The following RCOR3 variants were observed in gnomAD, a reference collection of about 807,000 sequenced individuals.
RCOR3 encodes the protein REST corepressor 3.
Under a neutral mutation model 64.1 loss-of-function variants are expected in RCOR3, and 13 were observed. That is an observed-to-expected ratio of 0.20 (90% confidence interval 0.13 to 0.32). RCOR3 has a LOEUF of 0.32. Among genes scored for constraint, RCOR3 ranks in the 10% least tolerant of loss-of-function variants. The pLI is 1.00. For missense variants in RCOR3, 489 were observed against 701.2 expected, an observed-to-expected ratio of 0.70 and a Z score of 3.42; for synonymous variants, 215 against 239.0, an observed-to-expected ratio of 0.90 and a Z score of 0.93.
At position 211,316,241 on chromosome 1, in the gene RCOR3, T is replaced by G. The variant is rs1291693588; in HGVS notation, c.*2473T>G. On this transcript the variant is annotated 3_prime_UTR_variant, in exon 12 of 12. Coordinates refer to ENST00000419091, the MANE Select transcript of RCOR3 (RefSeq NM_001136223.3). ...ACACTGTGGATACATCTTATAAAAC[T>G]AATGGAAACAATGTTTTTCTATATG... 1 of 152,186 alleles carries G rather than the reference T, an allele frequency of 6.6e-6. No homozygotes were observed. Among genetic ancestry groups the G allele is most frequent in the African/African-American group, 2.4e-5 (1 of 41,460 alleles). 9.4% of individuals were successfully genotyped at this position (152,186 alleles called of 1,614,324 possible). A position where few individuals can be genotyped will look rare whatever the true frequency, so the allele number is the denominator to read the frequency against.
chr1:211,299,046 C>T (rs1259464574), intron 9 of RCOR3, among the ~76,000 whole-genome samples: 1 of 151,760 alleles, frequency 6.6e-6, no homozygotes, highest in Admixed American at 6.6e-5. Flanking sequence ...AGAAGTTTGT[C>T]TTTTAAATTA....
chr1:211,300,059 TTTTC>T (rs1485875558), intron 9 of RCOR3, among the ~76,000 whole-genome samples: 1 of 142,810 alleles, frequency 7.0e-6, no homozygotes, highest in African/African-American at 2.5e-5. Flanking sequence ...GCATTTTTCT[TTTTC>T]TTTCTTTCTT....
At position 211,266,040 on chromosome 1, in the gene RCOR3, G is replaced by T. The variant is rs142133775; in HGVS notation, c.224-5192G>T. Among the ~76,000 whole-genome samples, 587 of 152,200 alleles carry T rather than the reference G, an allele frequency of 3.9e-3. 3 individuals carry two copies. The highest frequency in any genetic ancestry group is 0.014 in the African/African-American group (564 of 41,526). ...GAATCTAACCTCTTATCATTTGACCGCAGGTGAGTTTTCAGGCAGATTGTC... is the reference window on the plus strand; with the variant it reads ...GAATCTAACCTCTTATCATTTGACCTCAGGTGAGTTTTCAGGCAGATTGTC... On this transcript the variant is annotated intron_variant, in intron 2 of 11. Coordinates refer to ENST00000419091, the MANE Select transcript of RCOR3 (RefSeq NM_001136223.3).
Position 211,315,392 on chromosome 1 carries a change from A to G in RCOR3, c.*1624A>G, listed in dbSNP as rs549944754. ...TAATTTTAGACTGTGTATTTCCATAAATACCCTACGTACTGGCATATTTGA... is the reference window on the plus strand; with the variant it reads ...TAATTTTAGACTGTGTATTTCCATAGATACCCTACGTACTGGCATATTTGA... On this transcript the variant is annotated 3_prime_UTR_variant, in exon 12 of 12. Coordinates refer to ENST00000419091, the MANE Select transcript of RCOR3 (RefSeq NM_001136223.3). 25 of 152,264 alleles carry G rather than the reference A, an allele frequency of 1.6e-4. No individual in the cohort carries two copies. The highest frequency in any genetic ancestry group is 6.0e-4 in the African/African-American group (25 of 41,550). 9.4% of individuals were successfully genotyped at this position (152,264 alleles called of 1,614,324 possible).
At position 211,313,417 on chromosome 1, in the gene RCOR3, C is replaced by T. The variant is rs781048403; in HGVS notation, c.1318-7C>T. On this transcript the variant is annotated splice_region_variant and splice_polypyrimidine_tract_variant and intron_variant, in intron 11 of 11. Coordinates refer to ENST00000419091, the MANE Select transcript of RCOR3 (RefSeq NM_001136223.3). This position sits in a 1 kb window ranked among gnomAD's most constrained non-coding sequence, Gnocchi z 4.7. ...TCATACGTGTATTTTTGTTTCCTCA[C>T]CTCTAGGCACAGACCCCACAGGCTC... 5 of 1,610,808 alleles carry T rather than the reference C, an allele frequency of 3.1e-6. No individual in the cohort carries two copies. The South Asian group carries it at 4.4e-5, about 14-fold the overall frequency.
chr1:211,274,042 T>G (rs1696615792), intron 3 of RCOR3, among the ~76,000 whole-genome samples, 168 bp from the exon 4 acceptor site: 1 of 152,120 alleles, frequency 6.6e-6, no homozygotes, highest in South Asian at 2.1e-4. Flanking sequence ...GAGCATCTGA[T>G]CTTGCTATGA....
At chr1:211,263,731 T>C (rs1420096054) in intron 2 of RCOR3, among the ~76,000 whole-genome samples, 1 of 152,254 alleles carries the variant, frequency 6.6e-6, no homozygotes, top group Admixed American at 6.5e-5. Context: ...TGTTGTGCTG[T>C]TGTGTGAAGT....
At chr1:211,307,467 C>T (rs999316452) in intron 10 of RCOR3, among the ~76,000 whole-genome samples, 3 of 125,362 alleles carry the variant, frequency 2.4e-5, no homozygotes, top group South Asian at 2.6e-4. Context: ...GGCAGCAGAG[C>T]GAGACTCTGA....
intron 7 of RCOR3, among the ~76,000 whole-genome samples, chr1:211,287,935 C>T (rs1029554968): frequency 6.6e-6 from 1 of 151,804 alleles, no homozygotes; most frequent in African/African-American, 2.4e-5. Flanking sequence ...TTAGGCCGGG[C>T]GTGTTGGCTC....
At chr1:211,299,153 T>C (rs2102621567) in intron 9 of RCOR3, among the ~76,000 whole-genome samples, 1 of 152,260 alleles carries the variant, frequency 6.6e-6, no homozygotes, top group African/African-American at 2.4e-5. Context: ...ACAGGATAAA[T>C]TAGAACAGGG....
At chr1:211,273,977 A>G (rs1696605973) in intron 3 of RCOR3, among the ~76,000 whole-genome samples, 1 of 152,170 alleles carries the variant, frequency 6.6e-6, no homozygotes, top group South Asian at 2.1e-4. Context: ...GAATTTAGTA[A>G]GTATAATGTG....
chr1:211,312,810 A>G lies in RCOR3; in HGVS notation c.1166A>G (p.Tyr389Cys). 1 of 1,614,224 alleles carries G rather than the reference A, an allele frequency of 6.2e-7. No homozygotes were observed. Among genetic ancestry groups the G allele is most frequent in the Non-Finnish European group, 8.5e-7 (1 of 1,180,026 alleles). Residue 389 changes from tyrosine to cysteine, a missense_variant, in exon 11 of 12, where the codon TAC becomes TGC. By Grantham distance (194) the Tyr-to-Cys change is radical. This residue lies in a region of RCOR3 where 402 missense variants were observed against 617.0 expected (regional missense o/e 0.65). Transcript: ENST00000419091. This position sits in a 1 kb window ranked among gnomAD's most constrained non-coding sequence, Gnocchi z 5.0. Reference sequence around the variant, plus strand: ...CAAGTGAAGAACTTCTTTGTAAACTACAGGCGTCGGTTTAACTTAGAGGAG... The same window carrying G: ...CAAGTGAAGAACTTCTTTGTAAACTGCAGGCGTCGGTTTAACTTAGAGGAG... The part of the protein sequence containing the change: ...VGQVKNFFVN[Y>C]RRRFNLEEVL...
At chr1:211,263,342 C>A (rs1022213532) in intron 2 of RCOR3, among the ~76,000 whole-genome samples, 1 of 151,986 alleles carries the variant, frequency 6.6e-6, no homozygotes, top group African/African-American at 2.4e-5. Context: ...AATATTTTGC[C>A]TATTTTGAAA....
chr1:211,279,465 A>C, intron 7 of RCOR3, 149 bp downstream of exon 7: 1 of 527,128 alleles, frequency 1.9e-6, no homozygotes, highest in Non-Finnish European at 3.4e-6. Flanking sequence ...TCATACCTAG[A>C]ACCCCAGTTA....
intron 2 of RCOR3, among the ~76,000 whole-genome samples, chr1:211,269,876 C>T (rs1039533247): frequency 1.3e-5 from 2 of 151,906 alleles, no homozygotes; most frequent in Non-Finnish European, 2.9e-5. Flanking sequence ...AGCTGTGATC[C>T]CAACTACTTG....
At chr1:211,294,104 T>C (rs1018374695) in intron 8 of RCOR3, among the ~76,000 whole-genome samples, 3 of 152,240 alleles carry the variant, frequency 2.0e-5, no homozygotes, top group Admixed American at 2.0e-4. Context: ...ATGCAGTTAA[T>C]ATACTCTGGA....
intron 10 of RCOR3, among the ~76,000 whole-genome samples, chr1:211,308,954 T>G (rs371818647): frequency 2.6e-5 from 4 of 151,804 alleles, no homozygotes; most frequent in South Asian, 4.2e-4. Flanking sequence ...TCAAGTGGTC[T>G]GTCTGCCTTG....
intron 5 of RCOR3, among the ~76,000 whole-genome samples, chr1:211,277,075 G>C (rs1697080720): frequency 6.8e-6 from 1 of 147,264 alleles, no homozygotes; most frequent in African/African-American, 2.5e-5. Flanking sequence ...AACAGCGCGA[G>C]ACTCTGTCTC....
At position 211,314,633 on chromosome 1, in the gene RCOR3, A is replaced by T. The variant is rs1471973157; in HGVS notation, c.*865A>T. On this transcript the variant is annotated 3_prime_UTR_variant, in exon 12 of 12. Coordinates refer to ENST00000419091, the MANE Select transcript of RCOR3 (RefSeq NM_001136223.3). ...TGTTTCTAAATGCTATCTGCTTTTA[A>T]CTAGTAGTTGCCTACATCTGGGGAC... The T allele has an allele frequency of 2.6e-5, 4 of 152,212 alleles. No individual in the cohort carries two copies. The East Asian group carries it at 5.8e-4, about 22-fold the overall frequency. 9.4% of individuals were successfully genotyped at this position (152,212 alleles called of 1,614,324 possible).
Sources: gnomAD v4.1 joint callset for allele counts (sites outside exome capture counted in the v4.1 genomes callset) on GRCh38, gnomAD v4.1.1 for gene constraint, gnomAD v4.1.1 regional missense constraint, Gnocchi (gnomAD v3.1) non-coding constraint, MANE v1.5 for transcripts, NCBI Gene and HGNC (gene_info 2026-07-23, HGNC 2026-07-21) for gene names.